The following SLC9A9 variants were observed in gnomAD, a reference collection of about 807,000 sequenced individuals.
SLC9A9 encodes the protein sodium/hydrogen exchanger 9.
In SLC9A9, 62 loss-of-function variants were observed where a neutral mutation model predicts 77.8. The ratio of observed to expected loss-of-function variants is 0.80; its 90% CI spans 0.65 to 0.98. The LOEUF is 0.98. SLC9A9 is among the 50% of genes least tolerant of loss of function. SLC9A9 has a pLI of 0.00. For synonymous variants in SLC9A9, 320 were observed against 283.5 expected, an observed-to-expected ratio of 1.13 and a Z score of -1.29; for missense variants, 775 against 774.9, an observed-to-expected ratio of 1.00 and a Z score of 0.00.
chr3:143,631,999 G>A lies in SLC9A9; in HGVS notation c.755+20256C>T, dbSNP rs140421046. Among the ~76,000 whole-genome samples the A allele has an allele frequency of 3.5e-3, 527 of 152,180 alleles. 2 individuals are homozygous for A. The highest frequency in any genetic ancestry group is 0.012 in the African/African-American group (499 of 41,536). Reference sequence around the variant, plus strand: ...TGAGGAAGAACTTGCCTCCTCAACTGCCCACCTTCTCCTGAGATCATCAGA... The same window carrying A: ...TGAGGAAGAACTTGCCTCCTCAACTACCCACCTTCTCCTGAGATCATCAGA... On this transcript the variant is annotated intron_variant, in intron 6 of 15. Coordinates refer to ENST00000316549, the MANE Select transcript of SLC9A9 (RefSeq NM_173653.4).
chr3:143,794,524 G>A (rs1310591388), intron 4 of SLC9A9, among the ~76,000 whole-genome samples: 2 of 152,130 alleles, frequency 1.3e-5, no homozygotes, highest in Non-Finnish European at 2.9e-5. Context: ...TAACTGAAAA[G>A]CTATCCCTGT....
chr3:143,394,705 A>G (rs952951433), intron 12 of SLC9A9, among the ~76,000 whole-genome samples: 3 of 152,212 alleles, frequency 2.0e-5, no homozygotes, highest in Admixed American at 6.5e-5. Flanking sequence ...ACAAAACCCC[A>G]TCGTCTCAGC....
chr3:143,568,567 A>G (rs1026551459), intron 8 of SLC9A9, among the ~76,000 whole-genome samples: 2 of 152,180 alleles, frequency 1.3e-5, no homozygotes, highest in East Asian at 1.9e-4. Context: ...CTGCTGTGAA[A>G]TGTTTGGACC....
intron 4 of SLC9A9, among the ~76,000 whole-genome samples, chr3:143,723,651 C>G (rs1438057682): frequency 6.6e-6 from 1 of 152,130 alleles, no homozygotes; most frequent in Non-Finnish European, 1.5e-5. Flanking sequence ...AAGCATATTC[C>G]CTGAATATGT....
intron 13 of SLC9A9, chr3:143,372,140 C>A: frequency 4.8e-6 from 1 of 210,092 alleles, no homozygotes; most frequent in Middle Eastern, 5.2e-4. Flanking sequence ...GATGATACTG[C>A]CTAAAGCAGT....
intron 9 of SLC9A9, among the ~76,000 whole-genome samples, chr3:143,531,009 T>C (rs942714767): frequency 1.3e-5 from 2 of 152,176 alleles, no homozygotes; most frequent in African/African-American, 4.8e-5. Flanking sequence ...ACAAAATAAC[T>C]GAAACAAAAC....
At chr3:143,444,080 A>T (rs2034800531) in intron 12 of SLC9A9, among the ~76,000 whole-genome samples, 1 of 152,250 alleles carries the variant, frequency 6.6e-6, no homozygotes, top group Non-Finnish European at 1.5e-5. Flanking sequence ...AGGTCAAAAC[A>T]ACAGATGAAA....
At chr3:143,388,760 A>G (rs1041184254) in intron 12 of SLC9A9, among the ~76,000 whole-genome samples, 1 of 152,244 alleles carries the variant, frequency 6.6e-6, no homozygotes, top group South Asian at 2.1e-4. Context: ...CCTGCCATCA[A>G]TGACCCAAGA....
chr3:143,287,828 T>C (rs912973787), intron 14 of SLC9A9, among the ~76,000 whole-genome samples: 6 of 152,150 alleles, frequency 3.9e-5, no homozygotes, highest in Non-Finnish European at 7.3e-5. Flanking sequence ...AAAGGGGATT[T>C]TAGAGATTAA....
intron 5 of SLC9A9, among the ~76,000 whole-genome samples, chr3:143,680,670 T>C (rs1033677817): frequency 5.3e-5 from 8 of 152,310 alleles, no homozygotes; most frequent in African/African-American, 1.9e-4. Context: ...CAAAATTTCG[T>C]TTTTAATTCT....
chr3:143,594,616 A>G (rs997100129), intron 6 of SLC9A9, among the ~76,000 whole-genome samples: 6 of 152,150 alleles, frequency 3.9e-5, no homozygotes, highest in Non-Finnish European at 7.3e-5. Flanking sequence ...TTGTGCATCA[A>G]CGAAAGGTTT....
chr3:143,333,700 C>A (rs2031842433), intron 14 of SLC9A9, among the ~76,000 whole-genome samples: 1 of 152,214 alleles, frequency 6.6e-6, no homozygotes, highest in South Asian at 2.1e-4. Flanking sequence ...AATTTTGAAT[C>A]CAGTGCTTTC....
intron 12 of SLC9A9, among the ~76,000 whole-genome samples, chr3:143,462,711 T>G (rs916362750): frequency 1.3e-5 from 2 of 152,224 alleles, no homozygotes; most frequent in Non-Finnish European, 2.9e-5. Context: ...CAATCACTTG[T>G]GATGGATGAA....
chr3:143,711,902 G>A (rs1258632987), intron 4 of SLC9A9, among the ~76,000 whole-genome samples: 1 of 152,188 alleles, frequency 6.6e-6, no homozygotes, highest in Non-Finnish European at 1.5e-5. Context: ...CAGGGCTAGA[G>A]CTACATGGGG....
intron 5 of SLC9A9, among the ~76,000 whole-genome samples, chr3:143,667,991 C>T (rs868636492): frequency 7.2e-5 from 11 of 152,114 alleles, no homozygotes; most frequent in Middle Eastern, 3.4e-3. Flanking sequence ...GGGTATATAC[C>T]CAAAGGATTA....
At chr3:143,550,088 G>T (rs554866019) in intron 9 of SLC9A9, among the ~76,000 whole-genome samples, 3 of 152,102 alleles carry the variant, frequency 2.0e-5, no homozygotes, top group Non-Finnish European at 4.4e-5. Context: ...GGGTGACCTC[G>T]CAGAGTCCCT....
At chr3:143,728,354 A>G (rs182241342) in intron 4 of SLC9A9, among the ~76,000 whole-genome samples, 2 of 152,208 alleles carry the variant, frequency 1.3e-5, no homozygotes, top group South Asian at 2.1e-4. Context: ...AAGAAGGAGA[A>G]AGTAATGTGA....
intron 4 of SLC9A9, among the ~76,000 whole-genome samples, chr3:143,752,464 G>C (rs2006764344): frequency 6.6e-6 from 1 of 152,190 alleles, no homozygotes; most frequent in Admixed American, 6.5e-5. Flanking sequence ...CAAAGAAAAA[G>C]CATAGCGGCC....
rs145608544 is a variant in SLC9A9, at chr3:143,356,812, G to A, written c.1604+6672C>T. On this transcript the variant is annotated intron_variant, in intron 14 of 15. Transcript: ENST00000316549. ...TTACAGGGTTAAGCCACTGAACCCA[G>A]CCTCTTTCAGGAAGCTTTAATTCCA... is the stretch of plus-strand genomic sequence containing the variant. 7.0e-3 allele frequency among the ~76,000 whole-genome samples: 1,071 copies of A among 152,298 alleles called. 15 individuals are homozygous for A. Among genetic ancestry groups the A allele is most frequent in the African/African-American group, 0.024 (1,004 of 41,550 alleles).
Sources: gnomAD v4.1 joint callset for allele counts (sites outside exome capture counted in the v4.1 genomes callset) on GRCh38, gnomAD v4.1.1 for gene constraint, MANE v1.5 for transcripts, NCBI Gene and HGNC (gene_info 2026-07-23, HGNC 2026-07-21) for gene names.